Variants in MYO10 observed in about 807,000 individuals in gnomAD.
MYO10 encodes the protein unconventional myosin-X.
A neutral mutation model predicts 257.3 loss-of-function variants in MYO10; 133 were observed. The ratio of observed to expected loss-of-function variants is 0.52; its 90% CI spans 0.45 to 0.60. The LOEUF (loss-of-function observed/expected upper bound fraction) is 0.60, where lower values mean the gene tolerates loss of function less well. Ranked by LOEUF, MYO10 falls within the 20% of genes least tolerant of loss-of-function variation. MYO10 has a pLI of 0.00. For missense variants in MYO10, 2,399 were observed against 2,635.7 expected, an observed-to-expected ratio of 0.91 and a Z score of 1.97; for synonymous variants, 1,104 against 1,028.6, an observed-to-expected ratio of 1.07 and a Z score of -1.40.
chr5:16,822,184 T>C (rs1296298274), intron 2 of MYO10, among the ~76,000 whole-genome samples: 1 of 151,938 alleles, frequency 6.6e-6, no homozygotes, highest in African/African-American at 2.4e-5. Context: ...GCTTAAGACC[T>C]AGGTGATGGG....
intron 19 of MYO10, among the ~76,000 whole-genome samples, chr5:16,737,451 C>CT (rs1272153344): frequency 6.6e-6 from 1 of 152,138 alleles, no homozygotes; most frequent in Non-Finnish European, 1.5e-5. Context: ...CCTAACACGA[C>CT]TTACTAAAAA....
In MYO10 at chr5:16,664,392, A is replaced by AGTC. The variant is rs1561159196; in HGVS notation, c.*2299_*2300insGAC. 1 of 152,162 alleles carries AGTC rather than the reference A, an allele frequency of 6.6e-6. No homozygotes were observed. The allele number at this position is 152,162 out of a possible 1,614,324, so 9.4% of individuals were successfully genotyped here. On this transcript the variant is annotated 3_prime_UTR_variant, in exon 41 of 41. Transcript: ENST00000513610. ...GCAGTAGAAAGAAGACTTCTGTCAA[A>AGTC]TTCTTTCTGAGCCTAAAATAAAAAC...
intron 3 of MYO10, among the ~76,000 whole-genome samples, chr5:16,802,939 C>CAAA (rs34168458): frequency 1.5e-5 from 2 of 137,898 alleles, no homozygotes; most frequent in African/African-American, 2.7e-5. Flanking sequence ...TCCTCTCTCT[C>CAAA]AAAAAAAAAA....
chr5:16,885,616 G>A (rs1028571927), intron 1 of MYO10, among the ~76,000 whole-genome samples: 2 of 150,582 alleles, frequency 1.3e-5, no homozygotes, highest in African/African-American at 2.4e-5. Context: ...AGGTTGCAGT[G>A]AGCCAAGATC....
At chr5:16,667,319 G>C (rs1419916296) in intron 40 of MYO10, among the ~76,000 whole-genome samples, 1 of 152,074 alleles carries the variant, frequency 6.6e-6, no homozygotes, top group Non-Finnish European at 1.5e-5. Flanking sequence ...CCTCCAGCTG[G>C]GATCTCCATT....
intron 39 of MYO10, 78 bp downstream of exon 39, chr5:16,670,448 C>G (rs1579784848): frequency 3.0e-6 from 4 of 1,314,454 alleles, no homozygotes; most frequent in Non-Finnish European, 4.2e-6. Context: ...TGTCTTCTCT[C>G]CACATGAACT....
In MYO10 at chr5:16,781,499, G is replaced by T. The variant is rs868737846; in HGVS notation, c.727+206C>A. Among the ~76,000 whole-genome samples, 5 of 152,252 alleles carry T rather than the reference G, an allele frequency of 3.3e-5. No individual in the cohort carries two copies. In the South Asian group the frequency reaches 1.0e-3, roughly 32 times the overall value. ...TCCTCCTGCCTCAGCCTCCCAAGTA[G>T]CTGTAACTATAGGCACATGTACCAT... On this transcript the variant is annotated intron_variant, in intron 6 of 40. Coordinates refer to ENST00000513610, the MANE Select transcript of MYO10 (RefSeq NM_012334.3).
At chr5:16,681,597 T>C (rs1388601418) in intron 31 of MYO10, 94 bp from the exon 32 acceptor site, 1 of 1,299,084 alleles carries the variant, frequency 7.7e-7, no homozygotes, top group East Asian at 2.3e-5. Flanking sequence ...ATGGGTGGGG[T>C]TTCTAGCTGT....
intron 1 of MYO10, among the ~76,000 whole-genome samples, chr5:16,916,916 G>T (rs1309019502): frequency 2.6e-5 from 4 of 152,294 alleles, no homozygotes; most frequent in Middle Eastern, 3.4e-3. Context: ...GAGGTCCAAA[G>T]AATATAGTGT....
Position 16,888,721 on chromosome 5 carries a change from A to C in MYO10, c.22-11014T>G, listed in dbSNP as rs139373513. ...CGTGCTACTGCACTCCAGCCTGAAC[A>C]AGATAAGCCAAGACCCCCATCTCTT... On this transcript the variant is annotated intron_variant, in intron 1 of 40. Transcript: ENST00000513610. Among the ~76,000 whole-genome samples, 7 of 151,904 alleles carry C rather than the reference A, an allele frequency of 4.6e-5. No homozygotes were observed. The East Asian group carries it at 1.4e-3, about 29-fold the overall frequency.
Position 16,876,295 on chromosome 5 carries a change from C to T in MYO10, c.120+1314G>A, listed in dbSNP as rs545343195. 3.7e-4 allele frequency among the ~76,000 whole-genome samples: 56 copies of T among 152,178 alleles called. 1 individual carries two copies. The highest frequency in any genetic ancestry group is 1.3e-3 in the African/African-American group (52 of 41,530). ...CGTGCCAGGTTTCTCTTATAATCAT[C>T]AGAATATAATCAAGCAAACCAGTTT... is the stretch of plus-strand genomic sequence containing the variant. On this transcript the variant is annotated intron_variant, in intron 2 of 40. Coordinates refer to ENST00000513610, the MANE Select transcript of MYO10 (RefSeq NM_012334.3).
Position 16,701,434 on chromosome 5 carries a change from G to T in MYO10, c.2961C>A (p.Pro987=), listed in dbSNP as rs1738063798. The change falls in exon 25 of 41, where the codon CCC becomes CCA. Residue 987 remains proline (P), a synonymous_variant. Coordinates refer to ENST00000513610, the MANE Select transcript of MYO10 (RefSeq NM_012334.3). This position sits in a 1 kb window ranked among gnomAD's most constrained non-coding sequence, Gnocchi z 8.1. Reference sequence around the variant, plus strand: ...CCTCATCGACCTCCTCCTCTGGGTAGGGCTGGCTGAAGTTGAAGTTGGGCT... The same window carrying T: ...CCTCATCGACCTCCTCCTCTGGGTATGGCTGGCTGAAGTTGAAGTTGGGCT... ...EEKPNFNFSQ[P]YPEEEVDEGF... is the part of the protein sequence containing the mutation. 6.2e-7 allele frequency: 1 copy of T among 1,613,894 alleles called. No individual in the cohort carries two copies. The highest frequency in any genetic ancestry group is 8.5e-7 in the Non-Finnish European group (1 of 1,179,910).
At chr5:16,760,473 AC>A (rs1295290247) in intron 17 of MYO10, among the ~76,000 whole-genome samples, 3 of 151,584 alleles carry the variant, frequency 2.0e-5, no homozygotes, top group Admixed American at 6.6e-5. Flanking sequence ...AAAAAAAAAA[AC>A]AAACCAAAAA....
At chr5:16,774,696 C>A (rs113770488) in intron 9 of MYO10, among the ~76,000 whole-genome samples, 39 of 152,276 alleles carry the variant, frequency 2.6e-4, no homozygotes, top group Non-Finnish European at 5.4e-4. Flanking sequence ...GCTGGGATTA[C>A]AGGCGTGAGC....
intron 1 of MYO10, among the ~76,000 whole-genome samples, chr5:16,900,744 G>GTT (rs374195788): frequency 4.5e-5 from 6 of 132,742 alleles, no homozygotes; most frequent in Non-Finnish European, 9.4e-5. Context: ...CCTAAATCTT[G>GTT]TTTTTTTTTT....
intron 30 of MYO10, 57 bp from the exon 31 acceptor site, chr5:16,682,070 T>C: frequency 6.3e-7 from 1 of 1,576,376 alleles, no homozygotes. Flanking sequence ...CAGCATCACC[T>C]CTGTGTGAAC....
intron 3 of MYO10, among the ~76,000 whole-genome samples, chr5:16,799,581 C>T (rs906658476): frequency 6.6e-6 from 1 of 151,952 alleles, no homozygotes; most frequent in African/African-American, 2.4e-5. Context: ...CAACCTTCGC[C>T]TCCCGTGTTC....
chr5:16,798,952 T>C (rs1236965672), intron 3 of MYO10, among the ~76,000 whole-genome samples: 1 of 152,100 alleles, frequency 6.6e-6, no homozygotes, highest in Admixed American at 6.6e-5. Flanking sequence ...AATTAATTTA[T>C]TATTAGGATA....
At chr5:16,775,075 C>T (rs1264572448) in intron 9 of MYO10, among the ~76,000 whole-genome samples, 1 of 152,190 alleles carries the variant, frequency 6.6e-6, no homozygotes, top group Non-Finnish European at 1.5e-5. Flanking sequence ...TTACTTCATA[C>T]ACATTTCATC....
Sources: gnomAD v4.1 joint callset for allele counts (sites outside exome capture counted in the v4.1 genomes callset) on GRCh38, gnomAD v4.1.1 for gene constraint, Gnocchi (gnomAD v3.1) non-coding constraint, MANE v1.5 for transcripts, NCBI Gene and HGNC (gene_info 2026-07-23, HGNC 2026-07-21) for gene names.